The following RRBP1 variants were observed in gnomAD, a reference collection of about 807,000 sequenced individuals.
RRBP1 encodes the protein ribosome-binding protein 1.
In RRBP1, 94 loss-of-function variants were observed where a neutral mutation model predicts 165.2. That is an observed-to-expected ratio of 0.57 (90% CI 0.48 to 0.68). RRBP1 has a LOEUF of 0.68. Among genes scored for constraint, RRBP1 ranks in the 30% least tolerant of loss-of-function variants. The pLI is 0.00. For missense variants in RRBP1, 1,676 were observed against 1,763.0 expected (o/e 0.95, Z 0.88); for synonymous variants, 680 against 714.5 (o/e 0.95, Z 0.77).
chr20:17,654,209 C>A (rs1004869773), intron 3 of RRBP1, among the ~76,000 whole-genome samples: 1 of 152,222 alleles, frequency 6.6e-6, no homozygotes, highest in African/African-American at 2.4e-5. Flanking sequence ...GTAGGAGAGC[C>A]TTTGTCATTC....
intron 2 of RRBP1, among the ~76,000 whole-genome samples, chr20:17,668,180 T>C (rs1029492021): frequency 1.3e-5 from 2 of 152,216 alleles, no homozygotes; most frequent in African/African-American, 4.8e-5. Flanking sequence ...GGCCACACAG[T>C]TCTTCGAAAA....
chr20:17,631,424 AAAC>A (rs1448752756), intron 8 of RRBP1, among the ~76,000 whole-genome samples: 15 of 152,258 alleles, frequency 9.9e-5, no homozygotes, highest in African/African-American at 3.4e-4. Flanking sequence ...AGCAACAAGC[AAAC>A]AAAAACCCAC....
chr20:17,640,252 G>A lies in RRBP1; in HGVS notation c.2184+1545C>T, dbSNP rs2036326997. On this transcript the variant is annotated intron_variant, in intron 5 of 24. Coordinates refer to ENST00000377813, the MANE Select transcript of RRBP1 (RefSeq NM_001365613.2). ...GCAGAACAGGAACATGGGAGCTCCA[G>A]AAGGCTCCTGAGGGAGGGAAACCAA... Among the ~76,000 whole-genome samples the A allele has an allele frequency of 2.6e-5, 4 of 152,206 alleles. 1 individual carries two copies. The South Asian group carries it at 8.3e-4, about 32-fold the overall frequency.
Position 17,643,437 on chromosome 20 carries a change from G to T in RRBP1, c.1913-310C>A, listed in dbSNP as rs1243884067. Among the ~76,000 whole-genome samples, 1 of 151,956 alleles carries T rather than the reference G, an allele frequency of 6.6e-6. No homozygotes were observed. The highest frequency in any genetic ancestry group is 1.9e-4 in the East Asian group (1 of 5,174). On this transcript the variant is annotated intron_variant, in intron 3 of 24. Transcript: ENST00000377813. This position sits in a 1 kb window ranked among gnomAD's most constrained non-coding sequence, Gnocchi z 4.3. ...GATGGCCTGCAACAAAATTAAGCAA[G>T]GCGTACTTTTTCCATAGGCTTTTCT...
At chr20:17,644,004 T>A (rs2036416402) in intron 3 of RRBP1, among the ~76,000 whole-genome samples, 1 of 150,810 alleles carries the variant, frequency 6.6e-6, no homozygotes, top group Non-Finnish European at 1.5e-5. Context: ...ATGAGCCAAA[T>A]CAGAGAGCAG....
At chr20:17,639,765 T>C (rs1363711425) in intron 5 of RRBP1, among the ~76,000 whole-genome samples, 2 of 152,070 alleles carry the variant, frequency 1.3e-5, no homozygotes, top group African/African-American at 4.8e-5. Flanking sequence ...TGGTGGCGCT[T>C]GCCTGTAATT....
intron 3 of RRBP1, among the ~76,000 whole-genome samples, chr20:17,652,976 C>T (rs1053193355): frequency 6.6e-6 from 1 of 152,218 alleles, no homozygotes; most frequent in Non-Finnish European, 1.5e-5. Context: ...CTCATACCCT[C>T]GGGCACCACA....
chr20:17,637,232 C>A (rs989140571), intron 5 of RRBP1, among the ~76,000 whole-genome samples: 3 of 152,048 alleles, frequency 2.0e-5, no homozygotes, highest in Admixed American at 2.0e-4. Context: ...TGCAGGCGGT[C>A]GCTCTGTCCT....
rs748826327 is a variant in RRBP1, at chr20:17,620,796, G to C, written c.3426C>G (p.Leu1142=). The change falls in exon 17 of 25, where the codon CTC becomes CTG. Residue 1142 remains leucine, a synonymous_variant. Transcript: ENST00000377813. ...CCTCCACGCTCTTCTGCAGGTCTCT[G>C]AGCATGCCCTCCTGGGGGGAAACCG... ...RSILAETEGM[L]RDLQKSVEEE... The C allele has an allele frequency of 6.2e-7, 1 of 1,606,334 alleles. No homozygotes were observed. The highest frequency in any genetic ancestry group is 8.5e-7 in the Non-Finnish European group (1 of 1,178,232).
chr20:17,675,351 A>G (rs965302084), intron 2 of RRBP1, among the ~76,000 whole-genome samples: 2 of 152,234 alleles, frequency 1.3e-5, no homozygotes, highest in Admixed American at 1.3e-4. Context: ...CTACAAAATC[A>G]TCTCCATTAG....
rs745884127 is a variant in RRBP1 at position 17,629,924 on chromosome 20, C to T, written c.2648G>A (p.Arg883His). ...HRESEEALQK[R>H]LDEVSRELCH... ...CAGCTCCCGGCTGACCTCGTCCAGG[C>T]GCTTCTGCAGGGCCTCCTCACTCTC... Residue 883 changes from arginine to histidine, a missense_variant, in exon 9 of 25, where the codon CGC (arginine) becomes CAC (histidine). By Grantham distance (29) the Arg-to-His change is conservative. Transcript: ENST00000377813. 5.6e-6 allele frequency: 9 copies of T among 1,599,956 alleles called. No homozygotes were observed. Among genetic ancestry groups the T allele is most frequent in the East Asian group, 4.5e-5 (2 of 44,860 alleles).
At chr20:17,665,763 T>C (rs2036857465) in intron 2 of RRBP1, among the ~76,000 whole-genome samples, 1 of 152,196 alleles carries the variant, frequency 6.6e-6, no homozygotes, top group Non-Finnish European at 1.5e-5. Flanking sequence ...CAGGGTCGCT[T>C]CCTGGAGATA....
chr20:17,645,095 A>G (rs1049677137), intron 3 of RRBP1, among the ~76,000 whole-genome samples: 3 of 152,186 alleles, frequency 2.0e-5, no homozygotes, highest in Non-Finnish European at 4.4e-5. Flanking sequence ...AGAGTGACCC[A>G]AGAGCTCTGG....
chr20:17,650,275 T>C (rs536072296), intron 3 of RRBP1, among the ~76,000 whole-genome samples: 28 of 152,302 alleles, frequency 1.8e-4, no homozygotes, highest in African/African-American at 6.7e-4. Flanking sequence ...CACATGGACT[T>C]ATCTGACAAC....
intron 13 of RRBP1, chr20:17,623,356 TGAGA>T (rs1263026909): frequency 6.6e-6 from 1 of 152,260 alleles, no homozygotes; most frequent in Admixed American, 6.5e-5. Context: ...GATATTCCTG[TGAGA>T]GAGGCTGGGA....
rs761671499 is a variant in RRBP1, at chr20:17,614,832, C to T, written c.4099G>A (p.Ala1367Thr). Reference sequence around the variant, plus strand: ...TTCAGAAGCTCCTGCAGTCTCGTGGCGGCGCGCCCCAGGTCACTTGTTAAC... The same window carrying T: ...TTCAGAAGCTCCTGCAGTCTCGTGGTGGCGCGCCCCAGGTCACTTGTTAAC... The part of the protein sequence containing the change: ...KKLTSDLGRA[A>T]TRLQELLKTT... Residue 1367 changes from alanine to threonine, a missense_variant, in exon 24 of 25, where the codon GCC becomes ACC. By Grantham distance (58) the Ala-to-Thr change is moderately conservative. Around this residue, in one of 5 missense-constraint regions of RRBP1, gnomAD observed 1,184 missense variants for 1,167.1 expected, o/e 1.01. Transcript: ENST00000377813. 12 of 1,613,694 alleles carry T rather than the reference C, an allele frequency of 7.4e-6. No homozygotes were observed. Among genetic ancestry groups the T allele is most frequent in the African/African-American group, 5.3e-5 (4 of 74,938 alleles).
At chr20:17,620,656 A>T in intron 17 of RRBP1, 59 bp downstream of exon 17, 1 of 1,299,416 alleles carries the variant, frequency 7.7e-7, no homozygotes, top group South Asian at 1.2e-5. Context: ...AATCCTGTCA[A>T]CTCTCCCCTG....
intron 17 of RRBP1, 57 bp from the exon 18 acceptor site, chr20:17,620,427 G>C: frequency 3.4e-6 from 5 of 1,491,928 alleles, no homozygotes; most frequent in South Asian, 2.3e-5. Context: ...GTCTCCTTCC[G>C]AGGCCATGCT....
At chr20:17,636,774 G>A in intron 5 of RRBP1, 45 bp from the exon 6 acceptor site, 2 of 1,608,022 alleles carry the variant, frequency 1.2e-6, no homozygotes, top group Non-Finnish European at 1.7e-6. Context: ...GCCTTGCAGG[G>A]CAGGAGCCTA....
Sources: gnomAD v4.1 joint callset for allele counts (sites outside exome capture counted in the v4.1 genomes callset) on GRCh38, gnomAD v4.1.1 for gene constraint, gnomAD v4.1.1 regional missense constraint, Gnocchi (gnomAD v3.1) non-coding constraint, MANE v1.5 for transcripts, NCBI Gene and HGNC (gene_info 2026-07-23, HGNC 2026-07-21) for gene names.